SHCBP1: variants seen among roughly 807,000 people sequenced by gnomAD.
SHCBP1 encodes SHC binding and spindle associated 1, also known as SHC SH2 domain-binding protein 1.
Under a neutral mutation model 75.1 loss-of-function variants are expected in SHCBP1, and 60 were observed. The ratio of observed to expected loss-of-function variants is 0.80; its 90% confidence interval spans 0.65 to 0.99. The LOEUF is 0.99. Among genes scored for constraint, SHCBP1 ranks in the 50% least tolerant of loss-of-function variants. The probability of loss-of-function intolerance (pLI) is 0.00; values close to 1 mark genes in which losing one functional copy is unlikely to be tolerated. For synonymous variants in SHCBP1, 290 were observed against 293.2 expected, an observed-to-expected ratio of 0.99 and a Z score of 0.11; for missense variants, 709 against 809.4, an observed-to-expected ratio of 0.88 and a Z score of 1.50.
At chr16:46,594,673 T>TA (rs113927763) in intron 10 of SHCBP1, among the ~76,000 whole-genome samples, 1 of 152,084 alleles carries the variant, frequency 6.6e-6, no homozygotes, top group African/African-American at 2.4e-5. Context: ...GAAAACATTT[T>TA]AGCGGTTTCT....
Position 46,600,773 on chromosome 16 carries a change from G to A in SHCBP1, c.1214-811C>T, listed in dbSNP as rs1042419313. ...CACGCCTGTAATCCCAGCACTTTGG[G>A]AGGCTGAGGCAGGTGGATCACTTGA... is the stretch of plus-strand genomic sequence containing the variant. On this transcript the variant is annotated intron_variant, in intron 8 of 12. Coordinates refer to ENST00000303383, the MANE Select transcript of SHCBP1 (RefSeq NM_024745.5). Among the ~76,000 whole-genome samples, 7 of 152,236 alleles carry A rather than the reference G, an allele frequency of 4.6e-5. 1 individual carries two copies. Among genetic ancestry groups the A allele is most frequent in the Admixed American group, 4.6e-4 (7 of 15,280 alleles).
intron 1 of SHCBP1, among the ~76,000 whole-genome samples, chr16:46,620,075 A>G (rs1965561948): frequency 6.6e-6 from 1 of 152,178 alleles, no homozygotes; most frequent in African/African-American, 2.4e-5. Flanking sequence ...AGTGTGTAAC[A>G]TGATGTTTTG....
rs1370008397 is a variant in SHCBP1 at position 46,578,623 on chromosome 16, AAT to A, written c.*3104_*3105del. Among the ~76,000 whole-genome samples, 4 of 152,160 alleles carry A rather than the reference AAT, an allele frequency of 2.6e-5. No individual in the cohort carries two copies. The highest frequency in any genetic ancestry group is 1.9e-4 in the East Asian group (1 of 5,204). On this transcript the variant is annotated 3_prime_UTR_variant, in exon 13 of 13. Transcript: ENST00000303383. ...TTTAAAATATATATTTTTTTCTATTAATAGTGAGAACTAAAAAAAGAGGAGAA... is the reference window on the plus strand; with the variant it reads ...TTTAAAATATATATTTTTTTCTATTAAGTGAGAACTAAAAAAAGAGGAGAA...
chr16:46,613,155 C>G (rs1255429914), intron 4 of SHCBP1, among the ~76,000 whole-genome samples: 1 of 152,056 alleles, frequency 6.6e-6, no homozygotes, highest in African/African-American at 2.4e-5. Context: ...CCCATCTCTA[C>G]AGAAAAATGT....
intron 10 of SHCBP1, among the ~76,000 whole-genome samples, chr16:46,593,150 G>T (rs1037527575): frequency 4.6e-5 from 7 of 151,322 alleles, no homozygotes; most frequent in Non-Finnish European, 1.0e-4. Flanking sequence ...AAGGCATAAA[G>T]ATTAGAAAAG....
At position 46,599,884 on chromosome 16, in the gene SHCBP1, A is replaced by G; in HGVS notation, c.1292T>C (p.Ile431Thr). The G allele has an allele frequency of 6.2e-7, 1 of 1,612,742 alleles. No individual in the cohort carries two copies. The highest frequency in any genetic ancestry group is 8.5e-7 in the Non-Finnish European group (1 of 1,179,660). Residue 431 changes from isoleucine to threonine, a missense_variant, in exon 9 of 13, where the codon ATT (isoleucine) becomes ACT (threonine). By Grantham distance (89) the Ile-to-Thr change is moderately conservative. Coordinates refer to ENST00000303383, the MANE Select transcript of SHCBP1 (RefSeq NM_024745.5). ...DTFVDCTGAD[I>T]KISGIKFVQH... The stretch of plus-strand genomic sequence containing the variant: ...AACAAATTTTATGCCTGAGATTTTA[A>G]TATCAGCACCAGTGCAGTCCACAAA...
intron 12 of SHCBP1, 140 bp from the exon 13 acceptor site, chr16:46,582,194 A>G (rs1212299839): frequency 6.5e-6 from 5 of 774,508 alleles, no homozygotes; most frequent in African/African-American, 3.5e-5. Context: ...AGGATCACCA[A>G]TTTTGAACTC....
intron 10 of SHCBP1, chr16:46,584,325 ACACACG>A (rs1174475624): frequency 4.9e-5 from 10 of 205,002 alleles, no homozygotes; most frequent in Admixed American, 1.4e-4. Context: ...ACACACACAC[ACACACG>A]CTAAGAGTGC....
At chr16:46,608,471 A>G in intron 4 of SHCBP1, 82 bp from the exon 5 acceptor site, 2 of 849,924 alleles carry the variant, frequency 2.4e-6, no homozygotes, top group Non-Finnish European at 3.9e-6. Flanking sequence ...CTAAAGAGTA[A>G]ATCAAAACAA....
At chr16:46,585,963 T>C (rs1964949754) in intron 10 of SHCBP1, among the ~76,000 whole-genome samples, 1 of 152,208 alleles carries the variant, frequency 6.6e-6, no homozygotes, top group Admixed American at 6.5e-5. Context: ...AACAAGATGA[T>C]ACCCATCTAC....
Position 46,581,819 on chromosome 16 carries a change from G to A in SHCBP1, c.1929C>T (p.Asp643=), listed in dbSNP as rs374314490. 3.1e-6 allele frequency: 5 copies of A among 1,614,056 alleles called. No homozygotes were observed. The highest frequency in any genetic ancestry group is 3.4e-6 in the Non-Finnish European group (4 of 1,180,044). ...CAAACATCTCCTGTGACATTAAGTT[G>A]TCATCAGCTTGCGTGATCCCCAGTT... ...LSELGITQAD[D]NLMSQEMFVG... is the part of the protein sequence containing the mutation. The change falls in exon 13 of 13, where the codon GAC becomes GAT. Residue 643 remains aspartate, a synonymous_variant. Coordinates refer to ENST00000303383, the MANE Select transcript of SHCBP1 (RefSeq NM_024745.5).
chr16:46,587,575 A>G (rs1964971928), intron 10 of SHCBP1, among the ~76,000 whole-genome samples: 1 of 152,190 alleles, frequency 6.6e-6, no homozygotes, highest in Non-Finnish European at 1.5e-5. Flanking sequence ...AGACTATTCA[A>G]CAAGAGCTAA....
At chr16:46,588,629 T>A (rs145471479) in intron 10 of SHCBP1, among the ~76,000 whole-genome samples, 2 of 152,120 alleles carry the variant, frequency 1.3e-5, no homozygotes, top group African/African-American at 2.4e-5. Context: ...CAGGAAGAAG[T>A]TGAATCTCTG....
At chr16:46,592,422 T>G (rs1255114353) in intron 10 of SHCBP1, among the ~76,000 whole-genome samples, 2 of 152,168 alleles carry the variant, frequency 1.3e-5, no homozygotes, top group Non-Finnish European at 2.9e-5. Context: ...CATTTGAATA[T>G]CCTTTTAACT....
At position 46,610,616 on chromosome 16, in the gene SHCBP1, T is replaced by C. The variant is rs764377249; in HGVS notation, c.597-2227A>G. On this transcript the variant is annotated intron_variant, in intron 4 of 12. Transcript: ENST00000303383. Reference sequence around the variant, plus strand: ...TGTTGCCCAGGATGGAGTGCAGTAGTAGCATGACCTCGGCTCACTGCAGCC... The same window carrying C: ...TGTTGCCCAGGATGGAGTGCAGTAGCAGCATGACCTCGGCTCACTGCAGCC... 2.2e-4 allele frequency among the ~76,000 whole-genome samples: 31 copies of C among 138,264 alleles called. 1 individual carries two copies. The Admixed American group carries it at 2.4e-3, about 11-fold the overall frequency. 90.7% of individuals were successfully genotyped at this position (138,264 alleles called of 152,430 possible).
intron 9 of SHCBP1, among the ~76,000 whole-genome samples, 162 bp downstream of exon 9, chr16:46,599,669 T>TAAAAAAAAAAAAAAA (rs1555519115): frequency 7.3e-4 from 17 of 23,154 alleles, no homozygotes; most frequent in African/African-American, 1.7e-3. Flanking sequence ...CTTCAATTTG[T>TAAAAAAAAAAAAAAA]AAAAAAAAAA....
At chr16:46,608,665 G>A (rs1036616736) in intron 4 of SHCBP1, among the ~76,000 whole-genome samples, 2 of 147,072 alleles carry the variant, frequency 1.4e-5, no homozygotes, top group Admixed American at 6.9e-5. Flanking sequence ...GTGCAATGGC[G>A]TGATCTTGGC....
rs1964905819 is a variant in SHCBP1 at position 46,583,615 on chromosome 16, C to T, written c.1594G>A (p.Val532Met). 2.5e-6 allele frequency: 4 copies of T among 1,607,636 alleles called. No homozygotes were observed. The highest frequency in any genetic ancestry group is 3.4e-6 in the Non-Finnish European group (4 of 1,178,564). ...TCATTATTATGTATTATATTATTCA[C>T]CATGGATATCTTGGGAATGTCATAA... is the stretch of plus-strand genomic sequence containing the variant. The part of the protein sequence containing the change: ...EHYDIPKISM[V>M]NNIIHNNEGY... The change falls in exon 12 of 13, where the codon GTG becomes ATG. Residue 532 changes from valine (V) to methionine (M), a missense_variant. Val to Met is a conservative substitution (Grantham distance 21). Transcript: ENST00000303383.
intron 4 of SHCBP1, among the ~76,000 whole-genome samples, chr16:46,614,744 C>T (rs986238289): frequency 1.3e-5 from 2 of 152,130 alleles, no homozygotes; most frequent in African/African-American, 4.8e-5. Context: ...TCTTCACTGT[C>T]TTTCTCTTCT....
Sources: allele counts gnomAD v4.1 joint callset (sites outside exome capture counted in the v4.1 genomes callset), GRCh38; gene constraint gnomAD v4.1.1; transcripts MANE v1.5; gene names NCBI Gene and HGNC (gene_info 2026-07-23, HGNC 2026-07-21).